Variants in ATRNL1 observed in about 807,000 individuals in gnomAD.
The protein encoded by ATRNL1 is attractin-like protein 1.
Under a neutral mutation model 182.7 loss-of-function variants are expected in ATRNL1, and 95 were observed. That is an observed-to-expected ratio of 0.52 (90% CI 0.44 to 0.62). ATRNL1 has a LOEUF of 0.62. Among genes scored for constraint, ATRNL1 ranks in the 20% least tolerant of loss-of-function variants. ATRNL1 has a pLI of 0.00. For missense variants in ATRNL1, 1,471 were observed against 1,679.5 expected (o/e 0.88, Z 2.17); for synonymous variants, 576 against 568.3 (o/e 1.01, Z -0.19).
chr10:115,454,377 ATT>A (rs1847425776), intron 21 of ATRNL1, among the ~76,000 whole-genome samples: 1 of 151,958 alleles, frequency 6.6e-6, no homozygotes, highest in Admixed American at 6.6e-5. Flanking sequence ...CGTTTTGACT[ATT>A]TGGGTTATTT....
intron 25 of ATRNL1, among the ~76,000 whole-genome samples, chr10:115,535,929 C>T (rs1282279606): frequency 2.0e-5 from 3 of 151,716 alleles, no homozygotes; most frequent in African/African-American, 2.4e-5. Flanking sequence ...AGCAGATTTT[C>T]GTGAACCACG....
intron 10 of ATRNL1, among the ~76,000 whole-genome samples, chr10:115,260,875 G>A (rs781834148): frequency 2.6e-5 from 4 of 151,976 alleles, no homozygotes; most frequent in Admixed American, 6.6e-5. Flanking sequence ...TAATATGACT[G>A]TTCCAGAAAA....
intron 26 of ATRNL1, among the ~76,000 whole-genome samples, chr10:115,619,841 A>G (rs1857630591): frequency 6.6e-6 from 1 of 152,236 alleles, no homozygotes; most frequent in Non-Finnish European, 1.5e-5. Flanking sequence ...CTGGGATATT[A>G]GACAAGGATA....
At chr10:115,745,067 C>A (rs1948250864) in intron 27 of ATRNL1, among the ~76,000 whole-genome samples, 1 of 152,046 alleles carries the variant, frequency 6.6e-6, no homozygotes, top group Admixed American at 6.6e-5. Flanking sequence ...TGCCCCAAGA[C>A]CCTTAGAACC....
intron 20 of ATRNL1, among the ~76,000 whole-genome samples, chr10:115,420,039 A>ATTTTTT (rs34280609): frequency 1.6e-5 from 2 of 127,910 alleles, no homozygotes; most frequent in African/African-American, 2.9e-5. Context: ...TGTCTTAACA[A>ATTTTTT]TTTTTTTTTT....
At chr10:115,185,219 A>G (rs1271153614) in intron 8 of ATRNL1, among the ~76,000 whole-genome samples, 1 of 152,042 alleles carries the variant, frequency 6.6e-6, no homozygotes, top group Non-Finnish European at 1.5e-5. Flanking sequence ...AGAAGCTAAG[A>G]CACCCCAGTA....
chr10:115,747,429 T>C (rs2960641), intron 27 of ATRNL1, among the ~76,000 whole-genome samples: 24,801 of 152,114 alleles, frequency 0.16, 2,300 homozygotes, highest in Non-Finnish European at 0.21. Flanking sequence ...ACTGGATCGA[T>C]AACTCAGTGG....
intron 9 of ATRNL1, among the ~76,000 whole-genome samples, chr10:115,236,269 C>T (rs957295470): frequency 6.6e-6 from 1 of 152,140 alleles, no homozygotes; most frequent in African/African-American, 2.4e-5. Context: ...TTTATATCCT[C>T]TATATCCATT....
intron 27 of ATRNL1, among the ~76,000 whole-genome samples, chr10:115,782,522 G>A (rs782448247): frequency 1.3e-5 from 2 of 152,070 alleles, no homozygotes; most frequent in Non-Finnish European, 2.9e-5. Flanking sequence ...TGATTATTAG[G>A]TGGCTGATTT....
At chr10:115,558,716 T>G (rs1443780543) in intron 26 of ATRNL1, among the ~76,000 whole-genome samples, 1 of 152,138 alleles carries the variant, frequency 6.6e-6, no homozygotes, top group African/African-American at 2.4e-5. Context: ...CAGACCTTGG[T>G]GTTTTCTGTT....
At chr10:115,912,701 C>G (rs1048607819) in intron 28 of ATRNL1, among the ~76,000 whole-genome samples, 2 of 151,938 alleles carry the variant, frequency 1.3e-5, no homozygotes, top group African/African-American at 4.8e-5. Flanking sequence ...AAAAAAAATT[C>G]CATGAATTAT....
intron 28 of ATRNL1, among the ~76,000 whole-genome samples, chr10:115,929,261 A>G (rs557262507): frequency 6.6e-6 from 1 of 152,092 alleles, no homozygotes; most frequent in South Asian, 2.1e-4. Context: ...GTGTAATAAT[A>G]AACACTTCTC....
intron 26 of ATRNL1, among the ~76,000 whole-genome samples, chr10:115,723,582 C>T (rs1364249319): frequency 1.7e-5 from 2 of 116,898 alleles, no homozygotes; most frequent in Admixed American, 2.1e-4. Context: ...GAGTTTCGCT[C>T]TTGTTACCCA....
chr10:115,130,059 T>G (rs977833133), intron 5 of ATRNL1, among the ~76,000 whole-genome samples: 7 of 152,198 alleles, frequency 4.6e-5, no homozygotes, highest in Non-Finnish European at 7.4e-5. Context: ...AAAGAATTTC[T>G]AAGTAATTTT....
chr10:115,407,850 A>T (rs1554958637), intron 20 of ATRNL1, among the ~76,000 whole-genome samples: 1 of 152,096 alleles, frequency 6.6e-6, no homozygotes. Flanking sequence ...ATTCTTATCA[A>T]CAATGTATAA....
rs1565201430 is a variant in ATRNL1 at position 115,598,340 on chromosome 10, A to AT, written c.3795+48807dup. ...AAATTGAGAACATTTTACATTATTT[A>AT]TTTAAAAAAATTATTTATTTATTTA... On this transcript the variant is annotated intron_variant, in intron 26 of 28. Transcript: ENST00000355044. Among the ~76,000 whole-genome samples the AT allele has an allele frequency of 5.3e-4, 42 of 78,926 alleles. 1 individual carries two copies. In the South Asian group the frequency reaches 0.013, roughly 25 times the overall value. The allele number at this position is 78,926 out of a possible 152,430, so 51.8% of individuals were successfully genotyped here.
intron 26 of ATRNL1, among the ~76,000 whole-genome samples, chr10:115,592,655 C>T (rs1324432204): frequency 4.6e-5 from 7 of 152,166 alleles, no homozygotes; most frequent in Non-Finnish European, 1.0e-4. Context: ...GCGTCATTCA[C>T]TTGGTGTAAT....
intron 2 of ATRNL1, among the ~76,000 whole-genome samples, chr10:115,120,493 TGTG>T (rs1171871736): frequency 5.9e-5 from 9 of 152,196 alleles, no homozygotes; most frequent in South Asian, 2.1e-4. Context: ...GTTATGTTAT[TGTG>T]GTATTAAATT....
At chr10:115,324,166 A>G (rs1304928404) in intron 18 of ATRNL1, among the ~76,000 whole-genome samples, 3 of 151,586 alleles carry the variant, frequency 2.0e-5, no homozygotes, top group Non-Finnish European at 4.4e-5. Context: ...TGAATTTTTT[A>G]TTTTGAGATT....
Sources: allele counts gnomAD v4.1 joint callset (sites outside exome capture counted in the v4.1 genomes callset), GRCh38; gene constraint gnomAD v4.1.1; transcripts MANE v1.5; gene names NCBI Gene and HGNC (gene_info 2026-07-23, HGNC 2026-07-21).